The following CCSER1 variants were observed in gnomAD, a reference collection of about 807,000 sequenced individuals.
CCSER1 encodes the protein coiled-coil serine rich protein 1.
A neutral mutation model predicts 82.0 loss-of-function variants in CCSER1; 41 were observed. The observed-to-expected ratio is 0.50, with a 90% CI of 0.39 to 0.65. The LOEUF (loss-of-function observed/expected upper bound fraction) is 0.65, where lower values mean the gene tolerates loss of function less well. Among genes scored for constraint, CCSER1 ranks in the 30% least tolerant of loss-of-function variants. The pLI, the probability that CCSER1 is intolerant of heterozygous loss-of-function variation, is 0.00. For synonymous variants in CCSER1, 414 were observed against 383.9 expected (o/e 1.08, Z -0.92); for missense variants, 1,119 against 1,064.2 (o/e 1.05, Z -0.72).
At chr4:91,591,526 C>A (rs756829406) in intron 10 of CCSER1, among the ~76,000 whole-genome samples, 8 of 152,100 alleles carry the variant, frequency 5.3e-5, no homozygotes, top group Non-Finnish European at 8.8e-5. Flanking sequence ...AGTCTCCAAG[C>A]AACTAGACCA....
At chr4:90,138,546 G>C (rs924726503) in intron 1 of CCSER1, among the ~76,000 whole-genome samples, 1 of 152,196 alleles carries the variant, frequency 6.6e-6, no homozygotes, top group East Asian at 1.9e-4. Context: ...AGGACTGGAG[G>C]AATGGTGGCA....
chr4:90,727,343 T>G (rs543606401), intron 7 of CCSER1: 4 of 454,212 alleles, frequency 8.8e-6, no homozygotes, highest in South Asian at 4.7e-5. Flanking sequence ...ATCATAAAAG[T>G]TCAAGATCAT....
chr4:90,406,667 A>T (rs992693181), intron 4 of CCSER1, among the ~76,000 whole-genome samples: 1 of 152,210 alleles, frequency 6.6e-6, no homozygotes, highest in Non-Finnish European at 1.5e-5. Flanking sequence ...CCTTCAGAGC[A>T]CAGTGGAATA....
At chr4:91,532,580 G>A (rs1273996539) in intron 10 of CCSER1, among the ~76,000 whole-genome samples, 1 of 152,160 alleles carries the variant, frequency 6.6e-6, no homozygotes, top group African/African-American at 2.4e-5. Context: ...TTTATGGTTA[G>A]CATGTCTTCA....
chr4:90,624,518 C>G (rs78789451), intron 5 of CCSER1, among the ~76,000 whole-genome samples: 1 of 152,116 alleles, frequency 6.6e-6, no homozygotes, highest in African/African-American at 2.4e-5. Context: ...GCCATACTGA[C>G]GAGAGAATTA....
At position 91,157,326 on chromosome 4, in the gene CCSER1, C is replaced by T. The variant is rs1438029869; in HGVS notation, c.2217+71332C>T. ...ACTGTAAGTTGAAATTAAGAAGTAA[C>T]AACATAGGAGGAAAAGTAACAAGAA... On this transcript the variant is annotated intron_variant, in intron 10 of 10. Coordinates refer to ENST00000509176, the MANE Select transcript of CCSER1 (RefSeq NM_001145065.2). 1.3e-5 allele frequency among the ~76,000 whole-genome samples: 2 copies of T among 151,832 alleles called. 1 individual carries two copies. The highest frequency in any genetic ancestry group is 2.9e-5 in the Non-Finnish European group (2 of 67,876).
chr4:90,879,158 C>G (rs556347750), intron 8 of CCSER1, among the ~76,000 whole-genome samples: 1 of 152,102 alleles, frequency 6.6e-6, no homozygotes, highest in Non-Finnish European at 1.5e-5. Context: ...TTCAGTTAAC[C>G]AGTCTTTAAG....
intron 9 of CCSER1, among the ~76,000 whole-genome samples, chr4:90,956,920 C>G (rs1304455126): frequency 6.8e-6 from 1 of 147,634 alleles, no homozygotes; most frequent in Non-Finnish European, 1.5e-5. Flanking sequence ...GCTGGGACTA[C>G]AGGTGTGTGC....
chr4:91,311,187 C>A lies in CCSER1; in HGVS notation c.2217+225193C>A, dbSNP rs1004077956. 5.3e-5 allele frequency among the ~76,000 whole-genome samples: 8 copies of A among 151,932 alleles called. No individual in the cohort carries two copies. The South Asian group carries it at 6.2e-4, about 12-fold the overall frequency. Reference sequence around the variant, plus strand: ...TCTTAAGCATGTGGCAATATGTATCCCTGGCTAAAAATTCTTTAACCATTA... The same window carrying A: ...TCTTAAGCATGTGGCAATATGTATCACTGGCTAAAAATTCTTTAACCATTA... On this transcript the variant is annotated intron_variant, in intron 10 of 10. Transcript: ENST00000509176.
At chr4:90,253,551 C>G (rs888757975) in intron 1 of CCSER1, among the ~76,000 whole-genome samples, 1 of 152,076 alleles carries the variant, frequency 6.6e-6, no homozygotes, top group Non-Finnish European at 1.5e-5. Context: ...GAAAACTCAG[C>G]TGTTATTGTT....
chr4:91,588,524 T>C (rs1367964972), intron 10 of CCSER1, among the ~76,000 whole-genome samples: 1 of 151,750 alleles, frequency 6.6e-6, no homozygotes, highest in African/African-American at 2.4e-5. Flanking sequence ...TCTTATTCCT[T>C]ATTTATACTA....
At chr4:91,119,400 TACAG>T (rs1293266557) in intron 10 of CCSER1, among the ~76,000 whole-genome samples, 3 of 152,068 alleles carry the variant, frequency 2.0e-5, no homozygotes, top group Non-Finnish European at 4.4e-5. Flanking sequence ...AGGGATTTGA[TACAG>T]ACAAACCCCT....
intron 5 of CCSER1, among the ~76,000 whole-genome samples, chr4:90,517,347 C>T (rs371052142): frequency 9.9e-5 from 15 of 152,108 alleles, no homozygotes; most frequent in African/African-American, 3.1e-4. Flanking sequence ...AGTGTGGTTG[C>T]AAATCTGTTT....
At chr4:90,134,730 A>G (rs1245560514) in intron 1 of CCSER1, among the ~76,000 whole-genome samples, 1 of 152,224 alleles carries the variant, frequency 6.6e-6, no homozygotes, top group African/African-American at 2.4e-5. Context: ...TGAAAAGGAA[A>G]TATGTTCACT....
At chr4:91,594,436 C>T (rs868752099) in intron 10 of CCSER1, among the ~76,000 whole-genome samples, 3 of 147,614 alleles carry the variant, frequency 2.0e-5, no homozygotes, top group Non-Finnish European at 3.0e-5. Flanking sequence ...TATACATATA[C>T]ACACATATAT....
intron 10 of CCSER1, among the ~76,000 whole-genome samples, chr4:91,482,644 C>T (rs965038776): frequency 9.9e-5 from 15 of 151,914 alleles, no homozygotes; most frequent in East Asian, 5.8e-4. Context: ...CACATGCACA[C>T]GTATATATAT....
chr4:91,505,588 A>T (rs1352414730), intron 10 of CCSER1, among the ~76,000 whole-genome samples: 4 of 152,316 alleles, frequency 2.6e-5, no homozygotes, highest in Non-Finnish European at 4.4e-5. Flanking sequence ...CTATTTCTCC[A>T]CAGCCTTGCC....
intron 10 of CCSER1, among the ~76,000 whole-genome samples, chr4:91,574,334 T>C (rs58225562): frequency 0.11 from 16,396 of 151,914 alleles, 954 homozygotes; most frequent in South Asian, 0.21. Context: ...TGGAAAACAG[T>C]GTGTACATTT....
At chr4:91,336,220 A>T (rs1204806649) in intron 10 of CCSER1, among the ~76,000 whole-genome samples, 1 of 152,158 alleles carries the variant, frequency 6.6e-6, no homozygotes, top group African/African-American at 2.4e-5. Flanking sequence ...ATAGTTATAT[A>T]TCTGTGTTGT....
Sources: gnomAD v4.1 joint callset for allele counts (sites outside exome capture counted in the v4.1 genomes callset) on GRCh38, gnomAD v4.1.1 for gene constraint, MANE v1.5 for transcripts, NCBI Gene and HGNC (gene_info 2026-07-23, HGNC 2026-07-21) for gene names.